The following PDE3A variants were observed in gnomAD, a reference collection of about 807,000 sequenced individuals.
PDE3A encodes the protein phosphodiesterase 3A.
A neutral mutation model predicts 98.3 loss-of-function variants in PDE3A; 43 were observed. The observed-to-expected ratio is 0.44, with a 90% CI of 0.34 to 0.56. PDE3A has a LOEUF of 0.56. Ranked by LOEUF, PDE3A falls within the 20% of genes least tolerant of loss-of-function variation. The probability of loss-of-function intolerance (pLI) is 0.01; values close to 1 mark genes in which losing one functional copy is unlikely to be tolerated. For missense variants in PDE3A, 1,427 were observed against 1,440.7 expected (o/e 0.99, Z 0.15); for synonymous variants, 663 against 567.9 (o/e 1.17, Z -2.38).
At chr12:20,651,695 G>A (rs1565463619) in intron 14 of PDE3A, among the ~76,000 whole-genome samples, 1 of 152,126 alleles carries the variant, frequency 6.6e-6, no homozygotes, top group Non-Finnish European at 1.5e-5. Context: ...ACTGTCATTG[G>A]ACATGTTTAA....
intron 1 of PDE3A, among the ~76,000 whole-genome samples, chr12:20,475,178 AGTGT>A (rs71442249): frequency 0.019 from 1,790 of 92,458 alleles, 22 homozygotes; most frequent in African/African-American, 0.025. Flanking sequence ...AATGTGTGTG[AGTGT>A]GTGTGTGTGT....
At chr12:20,456,685 G>A (rs1298118984) in intron 1 of PDE3A, among the ~76,000 whole-genome samples, 3 of 152,160 alleles carry the variant, frequency 2.0e-5, no homozygotes, top group Non-Finnish European at 2.9e-5. Flanking sequence ...CATGGGTAGA[G>A]TTGCCAGACA....
intron 6 of PDE3A, among the ~76,000 whole-genome samples, 169 bp from the exon 7 acceptor site, chr12:20,633,524 C>A (rs1405970310): frequency 1.3e-5 from 2 of 152,158 alleles, no homozygotes; most frequent in Non-Finnish European, 2.9e-5. Context: ...TAGTACACTG[C>A]ATATCAGCAT....
chr12:20,414,251 T>A (rs1944383100), intron 1 of PDE3A, among the ~76,000 whole-genome samples: 2 of 152,198 alleles, frequency 1.3e-5, no homozygotes, highest in Admixed American at 1.3e-4. Context: ...CAAAATATAT[T>A]GGGAGCTTGT....
intron 2 of PDE3A, among the ~76,000 whole-genome samples, chr12:20,578,232 C>G (rs894240871): frequency 3.9e-5 from 6 of 151,900 alleles, no homozygotes; most frequent in African/African-American, 9.7e-5. Flanking sequence ...ATTCAAGGAC[C>G]GTGTCAGGAT....
At chr12:20,642,289 A>G (rs193185813) in intron 10 of PDE3A, among the ~76,000 whole-genome samples, 105 of 152,286 alleles carry the variant, frequency 6.9e-4, no homozygotes, top group Middle Eastern at 3.4e-3. Context: ...ATCCTTACAA[A>G]AATTGAAGAA....
At position 20,370,230 on chromosome 12, in the gene PDE3A, A is replaced by G; in HGVS notation, c.946A>G (p.Ile316Val). ...KSHRRTSLPC[I>V]PREQLMGHSE... ...CCATCGGAGGACCTCCCTGCCCTGT[A>G]TACCGAGGGAACAGGTAAGCACTGG... The change falls in exon 1 of 16, where the codon ATA (isoleucine) becomes GTA (valine). Residue 316 changes from isoleucine (I) to valine (V), a missense_variant. This residue lies in a region of PDE3A where 1,012 missense variants were observed against 886.5 expected (regional missense o/e 1.14). Transcript: ENST00000359062. 1 of 1,561,612 alleles carries G rather than the reference A, an allele frequency of 6.4e-7. No homozygotes were observed. The highest frequency in any genetic ancestry group is 8.6e-7 in the Non-Finnish European group (1 of 1,157,480).
intron 1 of PDE3A, among the ~76,000 whole-genome samples, chr12:20,463,688 G>A (rs1269983293): frequency 1.3e-5 from 2 of 152,138 alleles, no homozygotes; most frequent in Non-Finnish European, 2.9e-5. Context: ...ATTTCTTTCA[G>A]TAGTCTCTCA....
At chr12:20,657,888 C>A (rs1945079134) in intron 15 of PDE3A, among the ~76,000 whole-genome samples, 2 of 152,304 alleles carry the variant, frequency 1.3e-5, no homozygotes, top group Admixed American at 1.3e-4. Context: ...CCTATGAATG[C>A]ACTGCCATCA....
intron 6 of PDE3A, 64 bp from the exon 7 acceptor site, chr12:20,633,629 G>A: frequency 2.6e-6 from 2 of 766,228 alleles, no homozygotes; most frequent in Non-Finnish European, 2.2e-6. Flanking sequence ...ATACATAGAT[G>A]GTATGTGCCT....
At chr12:20,425,793 G>T (rs1308895875) in intron 1 of PDE3A, among the ~76,000 whole-genome samples, 1 of 152,124 alleles carries the variant, frequency 6.6e-6, no homozygotes, top group South Asian at 2.1e-4. Context: ...CCAAGCATTT[G>T]TAGAGAAGCG....
At chr12:20,479,769 A>G (rs1247974326) in intron 1 of PDE3A, among the ~76,000 whole-genome samples, 5 of 152,182 alleles carry the variant, frequency 3.3e-5, no homozygotes. Context: ...TTTGAAGATC[A>G]TCACTCATTG....
chr12:20,603,050 G>A (rs1943629345), intron 2 of PDE3A, among the ~76,000 whole-genome samples: 1 of 152,172 alleles, frequency 6.6e-6, no homozygotes, highest in Non-Finnish European at 1.5e-5. Flanking sequence ...CAGAGAAAGA[G>A]TTGGAGGGAT....
intron 1 of PDE3A, among the ~76,000 whole-genome samples, chr12:20,543,162 A>G (rs538039571): frequency 6.6e-6 from 1 of 151,916 alleles, no homozygotes; most frequent in South Asian, 2.1e-4. Context: ...AGAAAATTGC[A>G]TTTTGTTTTG....
At chr12:20,629,158 C>T (rs1015952212) in intron 5 of PDE3A, among the ~76,000 whole-genome samples, 3 of 152,116 alleles carry the variant, frequency 2.0e-5, no homozygotes, top group African/African-American at 7.2e-5. Flanking sequence ...CAAAAGACAT[C>T]GTCCTGGTCT....
chr12:20,616,520 G>A (rs758710046), intron 4 of PDE3A, 136 bp downstream of exon 4: 8 of 738,904 alleles, frequency 1.1e-5, no homozygotes, highest in Non-Finnish European at 1.8e-5. Flanking sequence ...AAGGGTACAT[G>A]GTTCAAATGC....
chr12:20,611,422 G>GT lies in PDE3A; in HGVS notation c.1012-2014dup, dbSNP rs951039733. ...CATAAAATTAAGATTTTCTGTTTTT[G>GT]TTTTTTTGTTTTTCACCGTACTGGT... is the stretch of plus-strand genomic sequence containing the variant. On this transcript the variant is annotated intron_variant, in intron 2 of 15. Coordinates refer to ENST00000359062, the MANE Select transcript of PDE3A (RefSeq NM_000921.5). Among the ~76,000 whole-genome samples the GT allele has an allele frequency of 4.3e-4, 53 of 123,954 alleles. 1 individual carries two copies. The highest frequency in any genetic ancestry group is 8.9e-3 in the Middle Eastern group (2 of 224). The allele number at this position is 123,954 out of a possible 152,430, so 81.3% of individuals were successfully genotyped here. A position where few individuals can be genotyped will look rare whatever the true frequency, so the allele number is the denominator to read the frequency against.
At chr12:20,639,396 C>T (rs1333212122) in intron 9 of PDE3A, among the ~76,000 whole-genome samples, 4 of 152,070 alleles carry the variant, frequency 2.6e-5, no homozygotes, top group African/African-American at 4.8e-5. Flanking sequence ...ATTTCCCAGA[C>T]ATTAAACTTT....
intron 1 of PDE3A, among the ~76,000 whole-genome samples, chr12:20,527,013 G>A (rs898305333): frequency 2.6e-5 from 4 of 151,334 alleles, no homozygotes; most frequent in African/African-American, 9.7e-5. Flanking sequence ...CCGCCTCCCA[G>A]GTTCAAGCAA....
Sources: allele counts gnomAD v4.1 joint callset (sites outside exome capture counted in the v4.1 genomes callset), GRCh38; gene constraint gnomAD v4.1.1; regional missense constraint gnomAD v4.1.1; transcripts MANE v1.5; gene names NCBI Gene and HGNC (gene_info 2026-07-23, HGNC 2026-07-21).